The following TEAD1 variants were observed in gnomAD, a reference collection of about 807,000 sequenced individuals.
TEAD1 encodes the protein TEA domain transcription factor 1.
Under a neutral mutation model 54.9 loss-of-function variants are expected in TEAD1, and 9 were observed. The observed-to-expected ratio is 0.16, with a 90% confidence interval of 0.10 to 0.29. The LOEUF (loss-of-function observed/expected upper bound fraction) is 0.29. Ranked by LOEUF, TEAD1 falls within the 10% of genes least tolerant of loss-of-function variation. TEAD1 has a pLI of 1.00. For missense variants in TEAD1, 387 were observed against 535.9 expected (o/e 0.72, Z 2.74); for synonymous variants, 200 against 187.8 (o/e 1.07, Z -0.53).
At chr11:12,913,854 A>G (rs762202170) in intron 10 of TEAD1, among the ~76,000 whole-genome samples, 5 of 152,176 alleles carry the variant, frequency 3.3e-5, no homozygotes, top group African/African-American at 4.8e-5. Flanking sequence ...TTGTTGTTCT[A>G]TGAAAAACTT....
chr11:12,869,885 T>G (rs1947703100), intron 5 of TEAD1, among the ~76,000 whole-genome samples: 1 of 124,308 alleles, frequency 8.0e-6, no homozygotes, highest in South Asian at 2.4e-4. Flanking sequence ...CTTTTTCTTT[T>G]TCTTTTTTTT....
intron 2 of TEAD1, among the ~76,000 whole-genome samples, chr11:12,715,222 C>T (rs1179300139): frequency 6.6e-6 from 1 of 152,096 alleles, no homozygotes; most frequent in East Asian, 1.9e-4. Flanking sequence ...ATTCCTTATT[C>T]CTGTAAATTC....
At chr11:12,691,803 G>T (rs1230489978) in intron 2 of TEAD1, among the ~76,000 whole-genome samples, 2 of 151,962 alleles carry the variant, frequency 1.3e-5, no homozygotes, top group Non-Finnish European at 2.9e-5. Flanking sequence ...TATTACCACC[G>T]TGAGCCATTC....
At chr11:12,916,659 A>G (rs1340243364) in intron 10 of TEAD1, among the ~76,000 whole-genome samples, 1 of 152,216 alleles carries the variant, frequency 6.6e-6, no homozygotes, top group African/African-American at 2.4e-5. Flanking sequence ...AGTGATTCCA[A>G]ATCTCTCACT....
intron 9 of TEAD1, among the ~76,000 whole-genome samples, chr11:12,888,290 C>G (rs752463585): frequency 6.6e-6 from 1 of 152,212 alleles, no homozygotes; most frequent in Non-Finnish European, 1.5e-5. Flanking sequence ...GGGTGGGTCA[C>G]TTGAGGCCAG....
At chr11:12,783,291 G>C (rs1945603028) in intron 3 of TEAD1, among the ~76,000 whole-genome samples, 1 of 150,864 alleles carries the variant, frequency 6.6e-6, no homozygotes, top group Non-Finnish European at 1.5e-5. Context: ...GGTGTCTTTG[G>C]GCCTGAATGT....
At chr11:12,820,004 G>A (rs761697393) in intron 3 of TEAD1, among the ~76,000 whole-genome samples, 1 of 148,658 alleles carries the variant, frequency 6.7e-6, no homozygotes, top group African/African-American at 2.5e-5. Context: ...GAGACTGGGT[G>A]GTTGGAGCTC....
intron 12 of TEAD1, among the ~76,000 whole-genome samples, chr11:12,933,154 T>C (rs541450372): frequency 1.3e-5 from 2 of 152,176 alleles, no homozygotes; most frequent in Non-Finnish European, 2.9e-5. Context: ...AAGCAACTCA[T>C]CACTGTATAT....
intron 3 of TEAD1, among the ~76,000 whole-genome samples, chr11:12,847,151 A>C (rs1947172747): frequency 6.6e-6 from 1 of 152,150 alleles, no homozygotes; most frequent in Non-Finnish European, 1.5e-5. Flanking sequence ...GCGTCCCATG[A>C]GCCATGATGT....
chr11:12,700,953 A>G (rs144685020), intron 2 of TEAD1, among the ~76,000 whole-genome samples: 139 of 152,240 alleles, frequency 9.1e-4, no homozygotes, highest in Admixed American at 5.4e-3. Flanking sequence ...GAGAGAGATT[A>G]TTTTGGGAAA....
At chr11:12,915,475 TG>T (rs1239501805) in intron 10 of TEAD1, among the ~76,000 whole-genome samples, 1 of 152,206 alleles carries the variant, frequency 6.6e-6, no homozygotes, top group Non-Finnish European at 1.5e-5. Flanking sequence ...ACCCTTGAAA[TG>T]GGAAGGGTCA....
intron 12 of TEAD1, among the ~76,000 whole-genome samples, chr11:12,931,280 G>T (rs1225692472): frequency 6.6e-6 from 1 of 152,126 alleles, no homozygotes; most frequent in African/African-American, 2.4e-5. Flanking sequence ...GAAGTTGTTA[G>T]GAACAATGTC....
chr11:12,882,128 G>A (rs994958523), intron 8 of TEAD1, among the ~76,000 whole-genome samples, 171 bp downstream of exon 8: 4 of 152,138 alleles, frequency 2.6e-5, no homozygotes, highest in Admixed American at 6.6e-5. Context: ...ACAGGGTCCC[G>A]ATTCCCATCA....
chr11:12,729,365 C>A (rs889400171), intron 2 of TEAD1, among the ~76,000 whole-genome samples: 17 of 152,206 alleles, frequency 1.1e-4, no homozygotes, highest in Non-Finnish European at 1.8e-4. Context: ...TTCAGTGGAT[C>A]TGGGACAGTG....
rs1436210098 is a variant in TEAD1, at chr11:12,781,976, GAAAAAA to G, written c.202+17544_202+17549del. Among the ~76,000 whole-genome samples the G allele has an allele frequency of 1.7e-3, 204 of 119,840 alleles. 1 individual carries two copies. Among genetic ancestry groups the G allele is most frequent in the Middle Eastern group, 3.8e-3 (1 of 264 alleles). The allele number at this position is 119,840 out of a possible 152,430, so 78.6% of individuals were successfully genotyped here. On this transcript the variant is annotated intron_variant, in intron 3 of 12. Transcript: ENST00000527636. Reference sequence around the variant, plus strand: ...CAAAAAAAAAAAAAAAAAAAAGAAAGAAAAAAAGAAAAAGAAAAAAAAAATTAGCCA... The same window carrying G: ...CAAAAAAAAAAAAAAAAAAAAGAAAGAGAAAAAGAAAAAAAAAATTAGCCA...
intron 3 of TEAD1, among the ~76,000 whole-genome samples, chr11:12,813,982 C>T (rs998777998): frequency 2.6e-5 from 4 of 152,130 alleles, no homozygotes; most frequent in African/African-American, 9.7e-5. Context: ...AAAAGAAGTG[C>T]TGCAAGGAGG....
intron 2 of TEAD1, among the ~76,000 whole-genome samples, chr11:12,689,018 T>C (rs1408440788): frequency 6.6e-6 from 1 of 152,104 alleles, no homozygotes; most frequent in African/African-American, 2.4e-5. Flanking sequence ...TTTCTGTTTT[T>C]TTTTTTGTTG....
In TEAD1 at chr11:12,881,947, C is replaced by G; in HGVS notation, c.564C>G (p.Ala188=). 6.2e-7 allele frequency: 1 copy of G among 1,614,202 alleles called. No individual in the cohort carries two copies. The highest frequency in any genetic ancestry group is 1.1e-5 in the South Asian group (1 of 91,078). The stretch of plus-strand genomic sequence containing the variant: ...ACCCCATCCAGCCAGCGGTCACAGC[C>G]CCCATTCCAGGTGAGTGTCCCTGAA... Residue 188 remains alanine, a synonymous_variant, in exon 8 of 13, where the codon GCC becomes GCG. Transcript: ENST00000527636.
At chr11:12,849,375 A>G (rs1320291053) in intron 3 of TEAD1, 1 of 152,030 alleles carries the variant, frequency 6.6e-6, no homozygotes, top group Non-Finnish European at 1.5e-5. Context: ...GCCTCCCACC[A>G]TCTCTAAACT....
Sources: gnomAD v4.1 joint callset for allele counts (sites outside exome capture counted in the v4.1 genomes callset) on GRCh38, gnomAD v4.1.1 for gene constraint, MANE v1.5 for transcripts, NCBI Gene and HGNC (gene_info 2026-07-23, HGNC 2026-07-21) for gene names.